The following CACNG7 variants were observed in gnomAD, a reference collection of about 807,000 sequenced individuals.
CACNG7 encodes the protein voltage-dependent calcium channel gamma-7 subunit.
A neutral mutation model predicts 26.3 loss-of-function variants in CACNG7; 9 were observed. The ratio of observed to expected loss-of-function variants is 0.34; its 90% confidence interval spans 0.21 to 0.60. The LOEUF (loss-of-function observed/expected upper bound fraction) is 0.60, where lower values mean the gene tolerates loss of function less well. CACNG7 is among the 20% of genes least tolerant of loss of function. The pLI, the probability that CACNG7 is intolerant of heterozygous loss-of-function variation, is 0.81. For missense variants in CACNG7, 297 were observed against 380.4 expected (o/e 0.78, Z 1.82); for synonymous variants, 170 against 157.0 (o/e 1.08, Z -0.62).
At position 53,922,602 on chromosome 19, in the gene CACNG7, C is replaced by G. The variant is rs79866049; in HGVS notation, c.424+7097C>G. Among the ~76,000 whole-genome samples, 19 of 69,818 alleles carry G rather than the reference C, an allele frequency of 2.7e-4. 3 individuals are homozygous for G. Among genetic ancestry groups the G allele is most frequent in the African/African-American group, 7.1e-4 (5 of 7,040 alleles). The allele number at this position is 69,818 out of a possible 152,430, so 45.8% of individuals were successfully genotyped here. The stretch of plus-strand genomic sequence containing the variant: ...GTTGTCCCAGGACTGGTCATTGGTG[C>G]AGTTGTCCCAGGCCTGGTCATTGGT... On this transcript the variant is annotated intron_variant, in intron 4 of 5. Transcript: ENST00000391767.
intron 2 of CACNG7, among the ~76,000 whole-genome samples, chr19:53,913,706 T>C (rs138433425): frequency 6.8e-6 from 1 of 147,396 alleles, no homozygotes; most frequent in African/African-American, 2.5e-5. Flanking sequence ...ATTGCTTGTG[T>C]CCAGGAGTTC....
rs1372098471 is a variant in CACNG7 at position 53,920,377 on chromosome 19, G to T, written c.424+4872G>T. Among the ~76,000 whole-genome samples, 10 of 110,248 alleles carry T rather than the reference G, an allele frequency of 9.1e-5. No homozygotes were observed. The East Asian group carries it at 9.4e-4, about 10-fold the overall frequency. 72.3% of individuals were successfully genotyped at this position (110,248 alleles called of 152,430 possible). ...CCCAGGTCTGGTCATTGGTGGAGTT[G>T]CCTCAGGTCTGGTCATTGGTGGACT... On this transcript the variant is annotated intron_variant, in intron 4 of 5. Coordinates refer to ENST00000391767, the MANE Select transcript of CACNG7 (RefSeq NM_031896.5).
chr19:53,919,206 A>G (rs979935714), intron 4 of CACNG7, among the ~76,000 whole-genome samples: 2 of 152,246 alleles, frequency 1.3e-5, no homozygotes, highest in South Asian at 2.1e-4. Flanking sequence ...AGGAGAAGTT[A>G]AGGACAGAAA....
In CACNG7 at chr19:53,942,425, C is replaced by G. The variant is rs2069144667; in HGVS notation, c.*132C>G. ...GGAGGAGGCTGCGCCAGCTTTAGGCCCCGCCCTCCTCCCAATGGCTCCGCC... is the reference window on the plus strand; with the variant it reads ...GGAGGAGGCTGCGCCAGCTTTAGGCGCCGCCCTCCTCCCAATGGCTCCGCC... On this transcript the variant is annotated 3_prime_UTR_variant, in exon 6 of 6. Coordinates refer to ENST00000391767, the MANE Select transcript of CACNG7 (RefSeq NM_031896.5). The surrounding 1 kb of genome is among the most constrained non-coding windows in gnomAD (Gnocchi z 5.9). 6.7e-7 allele frequency: 1 copy of G among 1,497,572 alleles called. No individual in the cohort carries two copies. Among genetic ancestry groups the G allele is most frequent in the East Asian group, 2.3e-5 (1 of 43,560 alleles). The allele number at this position is 1,497,572 out of a possible 1,614,324, so 92.8% of individuals were successfully genotyped here.
At position 53,909,421 on chromosome 19, in the gene CACNG7, G is replaced by T; in HGVS notation, c.-126G>T. ...GGGGGCGGGGGGCGCGGGCACCGGC[G>T]ACCCCGGTGGCGGCGGCGGCGGCCG... On this transcript the variant is annotated 5_prime_UTR_variant, in exon 1 of 6. Transcript: ENST00000391767. The surrounding 1 kb of genome is among the most constrained non-coding windows in gnomAD (Gnocchi z 5.1). 1 of 148,654 alleles carries T rather than the reference G, an allele frequency of 6.7e-6. No homozygotes were observed. Among genetic ancestry groups the T allele is most frequent in the South Asian group, 1.8e-4 (1 of 5,508 alleles). The allele number at this position is 148,654 out of a possible 1,614,324, so 9.2% of individuals were successfully genotyped here. A position where few individuals can be genotyped will look rare whatever the true frequency, so the allele number is the denominator to read the frequency against.
Position 53,912,909 on chromosome 19 carries a change from C to T in CACNG7, c.78C>T (p.Ile26=), listed in dbSNP as rs1368009098. The T allele has an allele frequency of 3.7e-6, 6 of 1,613,974 alleles. No homozygotes were observed. The highest frequency in any genetic ancestry group is 1.7e-5 in the Admixed American group (1 of 59,994). The change falls in exon 2 of 6, where the codon ATC becomes ATT. Residue 26 remains isoleucine (I), a synonymous_variant. Coordinates refer to ENST00000391767, the MANE Select transcript of CACNG7 (RefSeq NM_031896.5). This position sits in a 1 kb window ranked among gnomAD's most constrained non-coding sequence, Gnocchi z 4.6. ...FGACGLLLVG[I]AVSTDYWLYM... is the part of the protein sequence containing the mutation. ...CGTGTGGCCTGCTCCTGGTAGGCAT[C>T]GCGGTCAGCACTGACTACTGGCTGT...
chr19:53,919,895 T>C (rs1454567307), intron 4 of CACNG7, among the ~76,000 whole-genome samples: 1 of 131,994 alleles, frequency 7.6e-6, no homozygotes, highest in African/African-American at 3.1e-5. Context: ...ATTGGTGGAC[T>C]TGCCCCAGGC....
In CACNG7 at chr19:53,909,794, G is replaced by T. The variant is rs1220665448; in HGVS notation, c.-30+277G>T. ...GGAGGGCAGAGGCCGGGTCCCTGAG[G>T]AAGGCGAGGTACGGGGCGAGGGCGG... is the stretch of plus-strand genomic sequence containing the variant. On this transcript the variant is annotated intron_variant, in intron 1 of 5. Transcript: ENST00000391767. This position sits in a 1 kb window ranked among gnomAD's most constrained non-coding sequence, Gnocchi z 5.1. 6.6e-6 allele frequency among the ~76,000 whole-genome samples: 1 copy of T among 152,170 alleles called. No individual in the cohort carries two copies. The highest frequency in any genetic ancestry group is 1.9e-4 in the East Asian group (1 of 5,160).
In CACNG7 at chr19:53,942,664, C is replaced by G; in HGVS notation, c.*371C>G. 2.2e-6 allele frequency: 2 copies of G among 913,216 alleles called. No individual in the cohort carries two copies. The highest frequency in any genetic ancestry group is 2.8e-6 in the Non-Finnish European group (2 of 727,200). 56.6% of individuals were successfully genotyped at this position (913,216 alleles called of 1,614,324 possible). A position where few individuals can be genotyped will look rare whatever the true frequency, so the allele number is the denominator to read the frequency against. Reference sequence around the variant, plus strand: ...CAAGCGCCCAGCTCCCCAGAGCTCCCCAACCTCGGACCTCACCGCAGGGGC... The same window carrying G: ...CAAGCGCCCAGCTCCCCAGAGCTCCGCAACCTCGGACCTCACCGCAGGGGC... On this transcript the variant is annotated 3_prime_UTR_variant, in exon 6 of 6. Coordinates refer to ENST00000391767, the MANE Select transcript of CACNG7 (RefSeq NM_031896.5). This position sits in a 1 kb window ranked among gnomAD's most constrained non-coding sequence, Gnocchi z 5.9.
At chr19:53,935,699 G>T (rs373060521) in intron 4 of CACNG7, among the ~76,000 whole-genome samples, 5 of 124,008 alleles carry the variant, frequency 4.0e-5, no homozygotes, top group African/African-American at 1.5e-4. Flanking sequence ...GAGTGCAATG[G>T]CGCGATCTCG....
At chr19:53,936,023 T>G (rs2069103186) in intron 4 of CACNG7, among the ~76,000 whole-genome samples, 1 of 152,090 alleles carries the variant, frequency 6.6e-6, no homozygotes, top group African/African-American at 2.4e-5. Context: ...TTGTGTCTCT[T>G]TAGTCTCCTT....
chr19:53,914,113 A>C (rs932041082), intron 2 of CACNG7, among the ~76,000 whole-genome samples: 6 of 152,042 alleles, frequency 3.9e-5, no homozygotes, highest in African/African-American at 1.2e-4. Context: ...GTCTCTACTA[A>C]AAATACAGAA....
chr19:53,938,241 A>G (rs1200567585), intron 4 of CACNG7, among the ~76,000 whole-genome samples: 2 of 151,990 alleles, frequency 1.3e-5, no homozygotes, highest in Non-Finnish European at 2.9e-5. Flanking sequence ...CCAGCTACTC[A>G]TGAGTCTGAG....
At position 53,942,639 on chromosome 19, in the gene CACNG7, C is replaced by A; in HGVS notation, c.*346C>A. The A allele has an allele frequency of 9.2e-7, 1 of 1,092,290 alleles. No individual in the cohort carries two copies. The highest frequency in any genetic ancestry group is 1.1e-6 in the Non-Finnish European group (1 of 879,908). 67.7% of individuals were successfully genotyped at this position (1,092,290 alleles called of 1,614,324 possible). A position where few individuals can be genotyped will look rare whatever the true frequency, so the allele number is the denominator to read the frequency against. On this transcript the variant is annotated 3_prime_UTR_variant, in exon 6 of 6. Coordinates refer to ENST00000391767, the MANE Select transcript of CACNG7 (RefSeq NM_031896.5). The surrounding 1 kb of genome is among the most constrained non-coding windows in gnomAD (Gnocchi z 5.9). Reference sequence around the variant, plus strand: ...GAGCTGGGAGCAGCCAGAGGCGGTGCAAGCGCCCAGCTCCCCAGAGCTCCC... The same window carrying A: ...GAGCTGGGAGCAGCCAGAGGCGGTGAAAGCGCCCAGCTCCCCAGAGCTCCC...
chr19:53,941,174 C>T (rs2069135187), intron 4 of CACNG7, among the ~76,000 whole-genome samples: 2 of 152,208 alleles, frequency 1.3e-5, no homozygotes, highest in African/African-American at 4.8e-5. Flanking sequence ...TCCCACACAG[C>T]GTGCTACTTC....
In CACNG7 at chr19:53,942,032, G is replaced by T; in HGVS notation, c.571-4G>T. 1 of 1,581,060 alleles carries T rather than the reference G, an allele frequency of 6.3e-7. No homozygotes were observed. The highest frequency in any genetic ancestry group is 8.6e-7 in the Non-Finnish European group (1 of 1,158,868). ...CCTGGGACTCTGACCTTGCCTTGCC[G>T]CAGGGGGCCGGCGTGATGTCCGTGT... On this transcript the variant is annotated splice_region_variant and splice_polypyrimidine_tract_variant and intron_variant, in intron 5 of 5. Transcript: ENST00000391767. This position sits in a 1 kb window ranked among gnomAD's most constrained non-coding sequence, Gnocchi z 5.9.
chr19:53,938,096 C>T (rs970550931), intron 4 of CACNG7, among the ~76,000 whole-genome samples: 3 of 152,062 alleles, frequency 2.0e-5, no homozygotes, highest in Admixed American at 6.6e-5. Flanking sequence ...CTTGTAATCC[C>T]AGCACTTTGG....
At chr19:53,911,398 A>G (rs534432784) in intron 1 of CACNG7, among the ~76,000 whole-genome samples, 1 of 152,164 alleles carries the variant, frequency 6.6e-6, no homozygotes. Context: ...TGGAATCTGT[A>G]ATCGAGATTC....
chr19:53,910,320 A>G (rs1599960161), intron 1 of CACNG7, among the ~76,000 whole-genome samples: 1 of 138,994 alleles, frequency 7.2e-6, no homozygotes, highest in Admixed American at 8.0e-5. Context: ...AAAGCTGGCC[A>G]GAGCGTTCCC....
Sources: gnomAD v4.1 joint callset for allele counts (sites outside exome capture counted in the v4.1 genomes callset) on GRCh38, gnomAD v4.1.1 for gene constraint, Gnocchi (gnomAD v3.1) non-coding constraint, MANE v1.5 for transcripts, NCBI Gene and HGNC (gene_info 2026-07-23, HGNC 2026-07-21) for gene names.